ITFG2: variants seen among roughly 807,000 people sequenced by gnomAD.
ITFG2 encodes integrin alpha FG-GAP repeat containing 2.
ITFG2 carries 36 observed loss-of-function variants against 54.4 expected under a neutral mutation model. The observed-to-expected ratio is 0.66, with a 90% CI of 0.51 to 0.87. ITFG2 has a LOEUF of 0.87. Ranked by LOEUF, ITFG2 falls within the 40% of genes least tolerant of loss-of-function variation. The pLI is 0.00. For synonymous variants in ITFG2, 211 were observed against 225.4 expected (o/e 0.94, Z 0.57); for missense variants, 524 against 576.7 (o/e 0.91, Z 0.94).
At chr12:2,817,350 G>T (rs748473297) in intron 2 of ITFG2, 32 bp downstream of exon 2, 16 of 1,506,406 alleles carry the variant, frequency 1.1e-5, no homozygotes, top group African/African-American at 1.4e-5. Context: ...CCTGGAGGGG[G>T]GAAGGGATCC....
chr12:2,850,978 CT>C (rs35125854), intron 2 of ITFG2, among the ~76,000 whole-genome samples: 2,303 of 81,690 alleles, frequency 0.028, 8 homozygotes, highest in East Asian at 0.16. Context: ...GGCCCAGAGT[CT>C]TTTTTTTTTT....
At chr12:2,856,737 C>T (rs2098088560) in intron 2 of ITFG2, among the ~76,000 whole-genome samples, 1 of 152,174 alleles carries the variant, frequency 6.6e-6, no homozygotes, top group African/African-American at 2.4e-5. Context: ...ACAGGATCAC[C>T]CCAGTGGGTG....
At chr12:2,853,245 A>G (rs765875148) in intron 2 of ITFG2, among the ~76,000 whole-genome samples, 12 of 151,806 alleles carry the variant, frequency 7.9e-5, no homozygotes, top group Non-Finnish European at 1.5e-4. Context: ...CCCACAAAGG[A>G]GACTGATCTC....
At chr12:2,847,471 T>G (rs2098056313) in intron 2 of ITFG2, among the ~76,000 whole-genome samples, 1 of 152,040 alleles carries the variant, frequency 6.6e-6, no homozygotes, top group Non-Finnish European at 1.5e-5. Context: ...ATCGAGCCCA[T>G]CCTGGCCAAC....
intron 1 of ITFG2, among the ~76,000 whole-genome samples, chr12:2,814,562 G>C (rs776785659): frequency 1.3e-5 from 2 of 152,168 alleles, no homozygotes; most frequent in Non-Finnish European, 2.9e-5. Flanking sequence ...GGGTGTGATG[G>C]CTCACGCCTG....
At chr12:2,843,985 C>T (rs2098047429) in intron 2 of ITFG2, among the ~76,000 whole-genome samples, 1 of 148,844 alleles carries the variant, frequency 6.7e-6, no homozygotes, top group Non-Finnish European at 1.5e-5. Context: ...CTAGGCCAGG[C>T]ATGGTGGCTC....
chr12:2,821,907 G>T (rs879232538), intron 9 of ITFG2, 115 bp downstream of exon 9: 56 of 656,506 alleles, frequency 8.5e-5, no homozygotes, highest in Non-Finnish European at 1.2e-4. Flanking sequence ...TTTATCTTTA[G>T]TCTCTGTCTC....
chr12:2,846,046 G>A (rs536111301), intron 2 of ITFG2, among the ~76,000 whole-genome samples: 94 of 152,248 alleles, frequency 6.2e-4, no homozygotes, highest in Non-Finnish European at 3.5e-4. Context: ...GGAAGGTCGC[G>A]TGCTTGCTAT....
intron 4 of ITFG2, among the ~76,000 whole-genome samples, chr12:2,819,365 G>A (rs987878122): frequency 3.3e-5 from 5 of 152,130 alleles, no homozygotes; most frequent in African/African-American, 9.7e-5. Flanking sequence ...CTCCTTGGGA[G>A]GCTGAGGCAG....
At chr12:2,844,301 C>T (rs960150397) in intron 2 of ITFG2, among the ~76,000 whole-genome samples, 6 of 152,170 alleles carry the variant, frequency 3.9e-5, no homozygotes, top group African/African-American at 9.6e-5. Flanking sequence ...TGCCCGTAAT[C>T]GCAGCACTTT....
chr12:2,858,777 A>C (rs1472699611), intron 3 of ITFG2: 1 of 1,614,210 alleles, frequency 6.2e-7, no homozygotes, highest in Non-Finnish European at 8.5e-7. Context: ...GCCTTCTGTC[A>C]GAGAACGATT....
At chr12:2,851,623 G>A (rs1171362472) in intron 2 of ITFG2, among the ~76,000 whole-genome samples, 1 of 151,996 alleles carries the variant, frequency 6.6e-6, no homozygotes, top group African/African-American at 2.4e-5. Flanking sequence ...GATTACAGGC[G>A]TGAGCCACCA....
At chr12:2,827,287 G>A, downstream of ITFG2, 1 of 1,613,868 alleles carries the variant, frequency 6.2e-7, no homozygotes, top group East Asian at 2.2e-5. This position sits in a 1 kb window ranked among gnomAD's most constrained non-coding sequence, Gnocchi z 4.0. Context: ...CCGTGCTCCA[G>A]GTCGATGCAG....
intron 2 of ITFG2, among the ~76,000 whole-genome samples, chr12:2,852,567 A>G (rs554695817): frequency 4.0e-5 from 6 of 151,884 alleles, no homozygotes; most frequent in Non-Finnish European, 8.8e-5. Context: ...GGGGTCTCAT[A>G]TGGTGCCCCA....
intron 2 of ITFG2, among the ~76,000 whole-genome samples, chr12:2,853,618 T>C (rs2098078328): frequency 1.3e-5 from 2 of 152,116 alleles, no homozygotes; most frequent in Non-Finnish European, 2.9e-5. Flanking sequence ...TTTTTGTTTT[T>C]TTTTCAGATT....
At chr12:2,817,878 G>A (rs190230825) in intron 2 of ITFG2, 31 bp from the exon 3 acceptor site, 27 of 1,607,638 alleles carry the variant, frequency 1.7e-5, no homozygotes, top group Middle Eastern at 1.7e-4. Context: ...CTCCCTTAGC[G>A]TCTCCCTGAG....
chr12:2,834,887 CCT>C (rs954472834), upstream of ITFG2: 1 of 1,613,730 alleles, frequency 6.2e-7, no homozygotes, highest in East Asian at 2.2e-5. Context: ...GTCACCGAGT[CCT>C]CTCTGCTTCT....
chr12:2,817,382 G>C, intron 2 of ITFG2, 64 bp downstream of exon 2: 2 of 1,170,534 alleles, frequency 1.7e-6, no homozygotes, highest in Non-Finnish European at 2.5e-6. Flanking sequence ...GGACCACCTA[G>C]GGTGAGCCCC....
intron 2 of ITFG2, among the ~76,000 whole-genome samples, chr12:2,848,149 T>C (rs2098058463): frequency 6.6e-6 from 1 of 152,204 alleles, no homozygotes; most frequent in East Asian, 1.9e-4. Context: ...TAGAGCCCTG[T>C]GATGTCTTGA....
Sources: allele counts gnomAD v4.1 joint callset (sites outside exome capture counted in the v4.1 genomes callset), GRCh38; gene constraint gnomAD v4.1.1; non-coding constraint Gnocchi (gnomAD v3.1); transcripts MANE v1.5; gene names NCBI Gene and HGNC (gene_info 2026-07-23, HGNC 2026-07-21).